TNFAIP8: variants seen among roughly 807,000 people sequenced by gnomAD.
TNFAIP8 encodes TNF alpha induced protein 8, also known as tumor necrosis factor alpha-induced protein 8.
A neutral mutation model predicts 13.3 loss-of-function variants in TNFAIP8; 7 were observed. The ratio of observed to expected loss-of-function variants is 0.52; its 90% confidence interval spans 0.30 to 0.99. The LOEUF (loss-of-function observed/expected upper bound fraction) is 0.99. TNFAIP8 is among the 50% of genes least tolerant of loss of function. TNFAIP8 has a pLI of 0.07. For missense variants in TNFAIP8, 258 were observed against 236.9 expected, an observed-to-expected ratio of 1.09 and a Z score of -0.58; for synonymous variants, 94 against 87.6, an observed-to-expected ratio of 1.07 and a Z score of -0.41.
At chr5:119,343,787 G>A (rs1263449571) in intron 1 of TNFAIP8, among the ~76,000 whole-genome samples, 1 of 152,176 alleles carries the variant, frequency 6.6e-6, no homozygotes, top group Admixed American at 6.5e-5. Context: ...GTTGGGACCT[G>A]AGTATGGCTT....
chr5:119,345,372 T>C (rs1489208962), intron 1 of TNFAIP8, among the ~76,000 whole-genome samples: 1 of 152,202 alleles, frequency 6.6e-6, no homozygotes, highest in Non-Finnish European at 1.5e-5. Flanking sequence ...CAATTTTACT[T>C]CTGGGTATAT....
chr5:119,392,838 CA>C lies in TNFAIP8; in HGVS notation c.59del (p.Asn20ThrfsTer23). 6.5e-7 allele frequency: 1 copy of C among 1,545,958 alleles called. No individual in the cohort carries two copies. The highest frequency in any genetic ancestry group is 8.7e-7 in the Non-Finnish European group (1 of 1,145,002). ...KEVATDVFNS[K>X]NLAVQAQKKI... ...TAGTGGCCACAGATGTCTTTAATTC[CA>C]AAAACCTGGCCGTTCAGGCACAAAA... On this transcript the variant is annotated frameshift_variant, in exon 2 of 2. Coordinates refer to ENST00000504771, the MANE Select transcript of TNFAIP8 (RefSeq NM_014350.4). LOFTEE classifies it high-confidence loss of function.
In TNFAIP8 at chr5:119,324,671, T is replaced by C. The variant is rs567168651; in HGVS notation, c.1+55764T>C. 2.6e-5 allele frequency among the ~76,000 whole-genome samples: 4 copies of C among 152,248 alleles called. No homozygotes were observed. The South Asian group carries it at 8.3e-4, about 32-fold the overall frequency. On this transcript the variant is annotated intron_variant, in intron 1 of 1. Coordinates refer to the TNFAIP8 transcript ENST00000274456. ...AACTCACAGGGTTTTTGAAACCTTT[T>C]TTCCTTATCACAGCAGTATTACATG... is the stretch of plus-strand genomic sequence containing the variant.
intron 1 of TNFAIP8, among the ~76,000 whole-genome samples, chr5:119,347,874 G>C (rs1444248925): frequency 2.6e-5 from 4 of 152,150 alleles, no homozygotes; most frequent in Admixed American, 6.5e-5. Flanking sequence ...ATTGTTAATA[G>C]ATTCTACCCA....
At chr5:119,340,591 C>G (rs921244806) in intron 1 of TNFAIP8, among the ~76,000 whole-genome samples, 2 of 152,174 alleles carry the variant, frequency 1.3e-5, no homozygotes, top group South Asian at 2.1e-4. Flanking sequence ...AAGACAACCT[C>G]GAAACCTTCC....
chr5:119,302,125 AC>A (rs1749415144), intron 1 of TNFAIP8, among the ~76,000 whole-genome samples: 1 of 152,210 alleles, frequency 6.6e-6, no homozygotes. Context: ...GAATCATAGG[AC>A]CATTATTTAG....
intron 1 of TNFAIP8, among the ~76,000 whole-genome samples, chr5:119,272,819 T>C (rs1748329133): frequency 6.6e-6 from 1 of 152,194 alleles, no homozygotes; most frequent in South Asian, 2.1e-4. Flanking sequence ...GCTTGCCCTT[T>C]TCCGTATAGG....
At chr5:119,309,311 C>T (rs1279130048) in intron 1 of TNFAIP8, among the ~76,000 whole-genome samples, 4 of 152,194 alleles carry the variant, frequency 2.6e-5, no homozygotes, top group African/African-American at 4.8e-5. Flanking sequence ...ACTTACCATA[C>T]TTTCAGCAGC....
chr5:119,349,497 T>G (rs1751038877), intron 1 of TNFAIP8, among the ~76,000 whole-genome samples: 1 of 152,260 alleles, frequency 6.6e-6, no homozygotes, highest in South Asian at 2.1e-4. Context: ...CCCATCTTAA[T>G]GCAAATGAGG....
intron 1 of TNFAIP8, among the ~76,000 whole-genome samples, chr5:119,278,458 C>G (rs1220045234): frequency 6.6e-6 from 1 of 150,684 alleles, no homozygotes; most frequent in African/African-American, 2.4e-5. Context: ...AATTGCTTCT[C>G]TAGTAGTGTC....
At chr5:119,384,703 G>T (rs1172909885) in intron 1 of TNFAIP8, among the ~76,000 whole-genome samples, 3 of 152,126 alleles carry the variant, frequency 2.0e-5, no homozygotes, top group Non-Finnish European at 4.4e-5. Flanking sequence ...AATATTTTGA[G>T]ACTGACAGTC....
chr5:119,339,444 C>G (rs949846194), intron 1 of TNFAIP8, among the ~76,000 whole-genome samples: 50 of 147,418 alleles, frequency 3.4e-4, no homozygotes, highest in Non-Finnish European at 4.8e-4. Flanking sequence ...CTACACAGGT[C>G]TCCTCTTGTG....
intron 1 of TNFAIP8, among the ~76,000 whole-genome samples, chr5:119,318,540 C>T (rs773300456): frequency 6.6e-6 from 1 of 152,182 alleles, no homozygotes; most frequent in Non-Finnish European, 1.5e-5. Flanking sequence ...AAGTGAACCT[C>T]GTGCTTCAGT....
intron 1 of TNFAIP8, among the ~76,000 whole-genome samples, chr5:119,368,323 T>TCATA (rs1398600414): frequency 6.6e-6 from 1 of 152,062 alleles, no homozygotes; most frequent in Non-Finnish European, 1.5e-5. Context: ...AAAAGTAAGT[T>TCATA]CATACTTTTT....
chr5:119,392,234 A>G (rs1752920151), intron 1 of TNFAIP8, among the ~76,000 whole-genome samples: 1 of 152,234 alleles, frequency 6.6e-6, no homozygotes, highest in Non-Finnish European at 1.5e-5. Context: ...ACTTTTTGCA[A>G]CCGGATTATA....
intron 1 of TNFAIP8, among the ~76,000 whole-genome samples, chr5:119,319,543 T>C (rs1749993706): frequency 1.3e-5 from 2 of 152,128 alleles, no homozygotes; most frequent in Admixed American, 1.3e-4. Context: ...CGTACACACA[T>C]GTTGTGGGAG....
intron 1 of TNFAIP8, among the ~76,000 whole-genome samples, chr5:119,350,976 G>GTGTT (rs938322437): frequency 4.7e-5 from 7 of 149,130 alleles, no homozygotes; most frequent in African/African-American, 1.7e-4. Context: ...GTGTGTGTGT[G>GTGTT]TGTAGAGAGA....
intron 1 of TNFAIP8, among the ~76,000 whole-genome samples, chr5:119,388,795 G>C (rs1310946873): frequency 1.4e-5 from 2 of 138,084 alleles, no homozygotes; most frequent in African/African-American, 5.7e-5. Flanking sequence ...TACATGCCCA[G>C]CTATTTTTTT....
intron 1 of TNFAIP8, among the ~76,000 whole-genome samples, chr5:119,296,605 T>C (rs1469419015): frequency 2.0e-5 from 3 of 152,242 alleles, no homozygotes; most frequent in Non-Finnish European, 2.9e-5. Flanking sequence ...GTTGTGCCTG[T>C]GCCCGGCTTT....
Sources: gnomAD v4.1 joint callset for allele counts (sites outside exome capture counted in the v4.1 genomes callset) on GRCh38, gnomAD v4.1.1 for gene constraint, MANE v1.5 for transcripts, NCBI Gene and HGNC (gene_info 2026-07-23, HGNC 2026-07-21) for gene names.